Variants in DTNA observed in about 807,000 individuals in gnomAD.
DTNA encodes the protein dystrophin-related protein 3.
A neutral mutation model predicts 100.7 loss-of-function variants in DTNA; 43 were observed. That is an observed-to-expected ratio of 0.43 (90% CI 0.33 to 0.55). The LOEUF (loss-of-function observed/expected upper bound fraction) is 0.55. DTNA is among the 20% of genes least tolerant of loss of function. The pLI is 0.04. For synonymous variants in DTNA, 349 were observed against 347.9 expected (o/e 1.00, Z -0.04); for missense variants, 798 against 953.9 (o/e 0.84, Z 2.15).
chr18:34,711,831 G>C (rs553995547), intron 1 of DTNA, among the ~76,000 whole-genome samples: 7 of 152,122 alleles, frequency 4.6e-5, no homozygotes, highest in Admixed American at 1.3e-4. Flanking sequence ...TTCAAATAAA[G>C]AGAACTGTTT....
intron 1 of DTNA, among the ~76,000 whole-genome samples, chr18:34,637,141 C>T (rs1345988875): frequency 2.0e-5 from 3 of 152,114 alleles, no homozygotes. Flanking sequence ...CTAATTGTTC[C>T]AAGAGAAAGG....
At chr18:34,577,655 T>G (rs887193158) in intron 1 of DTNA, among the ~76,000 whole-genome samples, 2 of 152,172 alleles carry the variant, frequency 1.3e-5, no homozygotes, top group Admixed American at 1.3e-4. Context: ...CCTCATAGCT[T>G]AGGTCTTACT....
rs2095946869 is a variant in DTNA, at chr18:34,829,447, C to A, written c.1133C>A (p.Ser378Tyr). The change falls in exon 11 of 23, where the codon TCC becomes TAC. Residue 378 changes from serine (S) to tyrosine (Y), a missense_variant. Around this residue, in one of 6 missense-constraint regions of DTNA, gnomAD observed 159 missense variants for 201.2 expected, o/e 0.79. Coordinates refer to ENST00000444659, the MANE Select transcript of DTNA (RefSeq NM_001386795.1). ...SASSPVAEEH[S>Y]LIKLYVNQLD... Reference sequence around the variant, plus strand: ...TCCAGCCCTGTGGCTGAAGAGCATTCCCTCATAAAGCTGTACGTAAATCAG... The same window carrying A: ...TCCAGCCCTGTGGCTGAAGAGCATTACCTCATAAAGCTGTACGTAAATCAG... The A allele has an allele frequency of 6.5e-7, 1 of 1,534,206 alleles. No homozygotes were observed. Among genetic ancestry groups the A allele is most frequent in the African/African-American group, 1.4e-5 (1 of 72,988 alleles).
In DTNA at chr18:34,828,928, A is replaced by G. The variant is rs117594057; in HGVS notation, c.1086-472A>G. 11,473 of 1,189,964 alleles carry G rather than the reference A, an allele frequency of 9.6e-3. 78 individuals are homozygous for G. The highest frequency in any genetic ancestry group is 0.011 in the Non-Finnish European group (8,630 of 798,074). The allele number at this position is 1,189,964 out of a possible 1,614,324, so 73.7% of individuals were successfully genotyped here. A position where few individuals can be genotyped will look rare whatever the true frequency, so the allele number is the denominator to read the frequency against. ...ACAGGTCTGTGCATCTATCTAGGGA[A>G]GACCTGATGTGATGTTTAGAAATAT... On this transcript the variant is annotated intron_variant, in intron 10 of 22. Transcript: ENST00000444659.
chr18:34,821,061 AT>A, intron 9 of DTNA, 146 bp downstream of exon 9: 2 of 1,260,086 alleles, frequency 1.6e-6, no homozygotes, highest in Non-Finnish European at 2.2e-6. Context: ...TGCCATCATA[AT>A]TTTTTGTTGT....
intron 13 of DTNA, among the ~76,000 whole-genome samples, chr18:34,842,989 G>A (rs750908969): frequency 6.6e-6 from 1 of 152,048 alleles, no homozygotes; most frequent in Non-Finnish European, 1.5e-5. Flanking sequence ...CCTTATCTCT[G>A]ACATCTAGCA....
chr18:34,731,541 G>C (rs1454482877), intron 1 of DTNA, among the ~76,000 whole-genome samples: 1 of 152,104 alleles, frequency 6.6e-6, no homozygotes, highest in Admixed American at 6.5e-5. Context: ...ACAATACTTT[G>C]CACAAAGTAC....
At chr18:34,762,027 A>G (rs2093205876) in intron 2 of DTNA, among the ~76,000 whole-genome samples, 2 of 152,238 alleles carry the variant, frequency 1.3e-5, no homozygotes, top group Non-Finnish European at 2.9e-5. Flanking sequence ...TGAACTGGTT[A>G]TAAGTTTCAT....
At chr18:34,539,400 T>C (rs1279787211) in intron 1 of DTNA, among the ~76,000 whole-genome samples, 1 of 152,030 alleles carries the variant, frequency 6.6e-6, no homozygotes, top group African/African-American at 2.4e-5. Context: ...TACTCTCAGA[T>C]GTCCACTGGA....
chr18:34,511,261 G>A lies in DTNA; in HGVS notation c.-2+17747G>A, dbSNP rs2144910811. Among the ~76,000 whole-genome samples, 2 of 152,148 alleles carry A rather than the reference G, an allele frequency of 1.3e-5. 1 individual carries two copies. The highest frequency in any genetic ancestry group is 4.1e-4 in the South Asian group (2 of 4,830). On this transcript the variant is annotated intron_variant, in intron 1 of 19. Transcript: ENST00000283365. ...AAAGAAAGTTATTTGAATAAAAATG[G>A]TGAATATATACTTAAGACCCATCTG...
chr18:34,821,499 G>A (rs1477292877), intron 9 of DTNA: 1 of 456,436 alleles, frequency 2.2e-6, no homozygotes, highest in East Asian at 7.0e-5. Flanking sequence ...GGCAGAAGGT[G>A]TTGGGCCAAC....
chr18:34,783,580 G>A (rs1432587721), intron 3 of DTNA, among the ~76,000 whole-genome samples: 2 of 152,188 alleles, frequency 1.3e-5, no homozygotes, highest in South Asian at 2.1e-4. Context: ...GCATAAAAAC[G>A]CCTAGTGAGC....
At chr18:34,649,613 A>T (rs2060221935) in intron 1 of DTNA, among the ~76,000 whole-genome samples, 1 of 152,226 alleles carries the variant, frequency 6.6e-6, no homozygotes, top group Non-Finnish European at 1.5e-5. Context: ...AAAAAAATTG[A>T]GGGAATTATG....
chr18:34,840,219 T>C (rs1249232033), intron 13 of DTNA, among the ~76,000 whole-genome samples: 1 of 152,174 alleles, frequency 6.6e-6, no homozygotes, highest in Non-Finnish European at 1.5e-5. Flanking sequence ...ACTCTTTGGC[T>C]GACGTAAATC....
chr18:34,572,457 A>T (rs1044547945), intron 1 of DTNA, among the ~76,000 whole-genome samples: 1 of 152,218 alleles, frequency 6.6e-6, no homozygotes, highest in African/African-American at 2.4e-5. Context: ...CACCACAGCT[A>T]CTGGGTGAGG....
intron 1 of DTNA, among the ~76,000 whole-genome samples, chr18:34,678,152 T>C (rs12959529): frequency 0.1 from 15,225 of 152,102 alleles, 1,031 homozygotes; most frequent in African/African-American, 0.19. Flanking sequence ...GGGCCCCTCC[T>C]GTGATATGTG....
intron 1 of DTNA, among the ~76,000 whole-genome samples, chr18:34,656,571 G>A (rs1308487687): frequency 6.6e-6 from 1 of 152,126 alleles, no homozygotes; most frequent in African/African-American, 2.4e-5. Context: ...AGTTCTCCTA[G>A]CCCTGCCAGG....
At chr18:34,663,813 T>C (rs970761534) in intron 1 of DTNA, among the ~76,000 whole-genome samples, 5 of 152,206 alleles carry the variant, frequency 3.3e-5, no homozygotes, top group African/African-American at 1.2e-4. Flanking sequence ...TCAATACCTT[T>C]CTTGATGAGA....
chr18:34,560,308 T>A (rs146658466), intron 1 of DTNA, among the ~76,000 whole-genome samples: 1 of 152,334 alleles, frequency 6.6e-6, no homozygotes, highest in African/African-American at 2.4e-5. Flanking sequence ...GGAACATAGC[T>A]GGGTGCTACA....
Sources: allele counts gnomAD v4.1 joint callset (sites outside exome capture counted in the v4.1 genomes callset), GRCh38; gene constraint gnomAD v4.1.1; regional missense constraint gnomAD v4.1.1; transcripts MANE v1.5; gene names NCBI Gene and HGNC (gene_info 2026-07-23, HGNC 2026-07-21).